The following WWOX variants were observed in gnomAD, a reference collection of about 807,000 sequenced individuals.
The protein encoded by WWOX is WW domain containing oxidoreductase.
Under a neutral mutation model 46.2 loss-of-function variants are expected in WWOX, and 69 were observed. That is an observed-to-expected ratio of 1.49 (90% CI 1.23 to 1.82). The LOEUF (loss-of-function observed/expected upper bound fraction) is 1.82, where lower values mean the gene tolerates loss of function less well. Ranked by LOEUF, WWOX falls within the 40% of genes most tolerant of loss-of-function variation. The pLI is 0.00. For synonymous variants in WWOX, 359 were observed against 202.6 expected, an observed-to-expected ratio of 1.77 and a Z score of -6.56; for missense variants, 919 against 542.6, an observed-to-expected ratio of 1.69 and a Z score of -6.89.
chr16:78,322,417 C>T (rs907170133), intron 5 of WWOX, among the ~76,000 whole-genome samples: 14 of 152,176 alleles, frequency 9.2e-5, no homozygotes, highest in African/African-American at 2.7e-4. Context: ...ACTGAGTGTT[C>T]GTGATCGCCA....
chr16:78,296,001 T>C (rs2079938615), intron 5 of WWOX, among the ~76,000 whole-genome samples: 1 of 152,252 alleles, frequency 6.6e-6, no homozygotes. Flanking sequence ...GCAGCTTCTT[T>C]GGGTCATCAC....
intron 8 of WWOX, among the ~76,000 whole-genome samples, chr16:78,805,738 C>G (rs1034955273): frequency 6.6e-6 from 1 of 152,168 alleles, no homozygotes; most frequent in East Asian, 1.9e-4. Context: ...TGCCAACTTC[C>G]TTTAACTCTT....
chr16:79,012,962 C>CGG (rs1567484140), intron 8 of WWOX, among the ~76,000 whole-genome samples: 1 of 152,078 alleles, frequency 6.6e-6, no homozygotes, highest in African/African-American at 2.4e-5. Context: ...GAGGCCGAGG[C>CGG]GGGTGGATCG....
rs190711150 is a variant in WWOX, at chr16:78,742,552, A to G, written c.1056+309800A>G. ...AATGTTCTTTCCTCTGACTCAAATG[A>G]CAAATCAGTTTCTAGGGAAAGGAAC... On this transcript the variant is annotated intron_variant, in intron 8 of 8. Coordinates refer to ENST00000566780, the MANE Select transcript of WWOX (RefSeq NM_016373.4). 2.2e-3 allele frequency among the ~76,000 whole-genome samples: 339 copies of G among 152,310 alleles called. 1 individual carries two copies. The highest frequency in any genetic ancestry group is 7.8e-3 in the African/African-American group (326 of 41,568).
Position 78,114,976 on chromosome 16 carries a change from C to T in WWOX, c.231C>T (p.Asp77=), listed in dbSNP as rs1394505217. The T allele has an allele frequency of 2.5e-6, 4 of 1,613,988 alleles. No individual in the cohort carries two copies. Among genetic ancestry groups the T allele is most frequent in the Non-Finnish European group, 3.4e-6 (4 of 1,180,022 alleles). Residue 77 remains aspartate (D), a splice_region_variant and synonymous_variant, in exon 4 of 9, where the codon GAC becomes GAT. Transcript: ENST00000566780. Reference sequence around the variant, plus strand: ...GTTCACTGCTTTCTCTTTTGGGCAGCCATATAAATAAAAGAACCACCTACT... The same window carrying T: ...GTTCACTGCTTTCTCTTTTGGGCAGTCATATAAATAAAAGAACCACCTACT... ...TDENGQVFFV[D]HINKRTTYLD...
intron 4 of WWOX, among the ~76,000 whole-genome samples, chr16:78,124,716 A>C (rs761399661): frequency 2.0e-5 from 3 of 152,176 alleles, no homozygotes; most frequent in Non-Finnish European, 2.9e-5. Flanking sequence ...ACAAGGTTTA[A>C]ATCTAATTGT....
intron 8 of WWOX, among the ~76,000 whole-genome samples, chr16:78,777,508 C>T (rs1373371250): frequency 6.6e-6 from 1 of 152,134 alleles, no homozygotes; most frequent in African/African-American, 2.4e-5. Context: ...AGACACCGTG[C>T]CTGCTGCTAA....
intron 8 of WWOX, among the ~76,000 whole-genome samples, chr16:79,117,215 T>G (rs890095161): frequency 3.9e-5 from 6 of 152,138 alleles, no homozygotes; most frequent in African/African-American, 1.4e-4. Context: ...TTCACCGTGT[T>G]GCCCAGGCTG....
chr16:79,071,884 T>G (rs1415419504), intron 8 of WWOX, among the ~76,000 whole-genome samples: 12 of 152,344 alleles, frequency 7.9e-5, no homozygotes. Flanking sequence ...CCATGTCTGG[T>G]GCACCAGATG....
chr16:78,914,086 A>T (rs557548169), intron 8 of WWOX, among the ~76,000 whole-genome samples: 1 of 152,110 alleles, frequency 6.6e-6, no homozygotes, highest in South Asian at 2.1e-4. Flanking sequence ...TGACAGTATC[A>T]TTCTGATGTA....
At chr16:78,933,924 G>C (rs570800656) in intron 8 of WWOX, among the ~76,000 whole-genome samples, 5 of 152,190 alleles carry the variant, frequency 3.3e-5, no homozygotes, top group African/African-American at 1.2e-4. Flanking sequence ...GGGTGAAGTG[G>C]CTCGCACCTG....
chr16:78,970,857 C>T (rs544431471), intron 8 of WWOX, among the ~76,000 whole-genome samples: 15 of 152,130 alleles, frequency 9.9e-5, no homozygotes, highest in East Asian at 3.9e-4. Flanking sequence ...GCTTCAGGCA[C>T]GGCTGGATCC....
intron 8 of WWOX, among the ~76,000 whole-genome samples, chr16:78,543,827 G>C (rs890865755): frequency 2.0e-5 from 3 of 152,142 alleles, no homozygotes; most frequent in Non-Finnish European, 4.4e-5. Flanking sequence ...CGCAGGGCCT[G>C]ATAGGTGCCC....
chr16:78,876,589 C>T (rs559030183), intron 8 of WWOX, among the ~76,000 whole-genome samples: 7 of 151,730 alleles, frequency 4.6e-5, no homozygotes, highest in Non-Finnish European at 7.4e-5. Context: ...TTAATGCTTT[C>T]GACTTATTTT....
At chr16:78,812,941 T>C (rs948227416) in intron 8 of WWOX, among the ~76,000 whole-genome samples, 1 of 152,216 alleles carries the variant, frequency 6.6e-6, no homozygotes, top group Non-Finnish European at 1.5e-5. Context: ...TGTCTTAAAA[T>C]GGAAAAATAA....
intron 8 of WWOX, among the ~76,000 whole-genome samples, chr16:78,546,575 A>C (rs1247577922): frequency 6.6e-6 from 1 of 152,242 alleles, no homozygotes; most frequent in African/African-American, 2.4e-5. Flanking sequence ...TTAATTCTCA[A>C]AACTTCTGGA....
intron 8 of WWOX, among the ~76,000 whole-genome samples, chr16:78,925,268 C>T (rs2045472364): frequency 6.6e-6 from 1 of 152,230 alleles, no homozygotes; most frequent in African/African-American, 2.4e-5. Flanking sequence ...CTGATCATTG[C>T]TGCCACTGGG....
chr16:78,687,089 C>T (rs1043262865), intron 8 of WWOX, among the ~76,000 whole-genome samples: 1 of 123,500 alleles, frequency 8.1e-6, no homozygotes, highest in Non-Finnish European at 1.9e-5. Context: ...ATTTAAAACA[C>T]ATTTTTTTTT....
chr16:79,048,102 G>A (rs2048099477), intron 8 of WWOX, among the ~76,000 whole-genome samples: 1 of 152,150 alleles, frequency 6.6e-6, no homozygotes, highest in Admixed American at 6.5e-5. Flanking sequence ...AGGGCAATGG[G>A]CCTCAGATCA....
Sources: allele counts gnomAD v4.1 joint callset (sites outside exome capture counted in the v4.1 genomes callset), GRCh38; gene constraint gnomAD v4.1.1; transcripts MANE v1.5; gene names NCBI Gene and HGNC (gene_info 2026-07-23, HGNC 2026-07-21).